Variants in CNBD1 observed in about 807,000 individuals in gnomAD.
CNBD1 encodes the protein cyclic nucleotide binding domain containing 1.
In CNBD1, 71 loss-of-function variants were observed where a neutral mutation model predicts 54.4. The observed-to-expected ratio is 1.30, with a 90% CI of 1.08 to 1.59. CNBD1 has a LOEUF of 1.59. Ranked by LOEUF, CNBD1 falls within the 40% of genes most tolerant of loss-of-function variation. The pLI is 0.00. For missense variants in CNBD1, 659 were observed against 518.0 expected, an observed-to-expected ratio of 1.27 and a Z score of -2.64; for synonymous variants, 182 against 170.7, an observed-to-expected ratio of 1.07 and a Z score of -0.51.
intron 4 of CNBD1, among the ~76,000 whole-genome samples, chr8:86,951,581 CAAAAAAAAAAAA>C (rs71275901): frequency 1.3e-3 from 49 of 37,358 alleles, no homozygotes; most frequent in African/African-American, 3.2e-3. Context: ...CTCCGTCTCA[CAAAAAAAAAAAA>C]AAAAAAAAAA....
intron 4 of CNBD1, among the ~76,000 whole-genome samples, chr8:87,124,287 A>G (rs988492315): frequency 1.3e-5 from 2 of 151,706 alleles, no homozygotes; most frequent in Non-Finnish European, 3.0e-5. Context: ...TCAAGTGCAC[A>G]CAGCACATTC....
intron 1 of CNBD1, among the ~76,000 whole-genome samples, chr8:86,881,025 C>T (rs1285741554): frequency 6.6e-6 from 1 of 152,020 alleles, no homozygotes; most frequent in Non-Finnish European, 1.5e-5. Context: ...AGGAACATAC[C>T]TCAAAATGAT....
chr8:86,957,118 G>A (rs1033578270), intron 4 of CNBD1, among the ~76,000 whole-genome samples: 7 of 152,282 alleles, frequency 4.6e-5, no homozygotes, highest in Admixed American at 2.0e-4. Flanking sequence ...CTGTTTATAT[G>A]ATGGATTACG....
chr8:87,291,488 G>T (rs901355510), intron 8 of CNBD1, among the ~76,000 whole-genome samples: 2 of 152,012 alleles, frequency 1.3e-5, no homozygotes, highest in African/African-American at 4.8e-5. Flanking sequence ...TAGTGCCTCT[G>T]TTACATATCC....
chr8:87,305,468 A>G (rs1809122220), intron 8 of CNBD1, among the ~76,000 whole-genome samples: 1 of 152,214 alleles, frequency 6.6e-6, no homozygotes. Context: ...AAGCAAAAAG[A>G]AGAAATCTGA....
At chr8:86,908,991 C>T (rs1809060685) in intron 3 of CNBD1, among the ~76,000 whole-genome samples, 1 of 152,076 alleles carries the variant, frequency 6.6e-6, no homozygotes, top group African/African-American at 2.4e-5. Flanking sequence ...CTCTTGACCT[C>T]GTGATCTGCC....
intron 10 of CNBD1, among the ~76,000 whole-genome samples, chr8:87,382,247 G>C (rs2130960845): frequency 6.6e-6 from 1 of 151,934 alleles, no homozygotes; most frequent in Middle Eastern, 3.4e-3. Context: ...ATACAAAATA[G>C]GTAAGATGAT....
In CNBD1 at chr8:87,001,455, T is replaced by C. The variant is rs190166474; in HGVS notation, c.431+61701T>C. Among the ~76,000 whole-genome samples the C allele has an allele frequency of 1.5e-3, 223 of 152,300 alleles. 3 individuals carry two copies. The highest frequency in any genetic ancestry group is 4.4e-3 in the Admixed American group (68 of 15,296). On this transcript the variant is annotated intron_variant, in intron 4 of 10. Coordinates refer to ENST00000518476, the MANE Select transcript of CNBD1 (RefSeq NM_173538.3). ...TTACTGTTTCTTTTCCTTTTGACCA[T>C]GTATGTGCATATCAGATAAAGTAGT...
intron 6 of CNBD1, among the ~76,000 whole-genome samples, chr8:87,283,426 T>C (rs1196386054): frequency 5.3e-5 from 8 of 152,038 alleles, no homozygotes; most frequent in South Asian, 2.1e-4. Context: ...TCAGCAAGGA[T>C]TGCTTTCTGT....
chr8:87,324,912 T>A (rs1586014146), intron 8 of CNBD1, among the ~76,000 whole-genome samples: 1 of 110,148 alleles, frequency 9.1e-6, no homozygotes, highest in East Asian at 2.0e-4. Context: ...CAATTTTGGA[T>A]CTTTCTTGCT....
chr8:87,422,733 C>T (rs1807963354), intron 2 of CNBD1, among the ~76,000 whole-genome samples: 2 of 152,238 alleles, frequency 1.3e-5, no homozygotes, highest in South Asian at 4.2e-4. Context: ...GTTCTTTTGG[C>T]TTAGGATTGA....
intron 10 of CNBD1, among the ~76,000 whole-genome samples, chr8:87,379,218 T>A (rs923879631): frequency 7.9e-5 from 12 of 152,086 alleles, no homozygotes; most frequent in Middle Eastern, 3.4e-3. Context: ...AGAGAGGGCA[T>A]CCCTGTCTTG....
At chr8:86,908,411 GT>G (rs1357326540) in intron 3 of CNBD1, among the ~76,000 whole-genome samples, 2 of 152,146 alleles carry the variant, frequency 1.3e-5, no homozygotes, top group Non-Finnish European at 2.9e-5. Context: ...TTGGTTTTGT[GT>G]TTTTGTTTCA....
At chr8:86,946,611 C>A (rs1807471666) in intron 4 of CNBD1, among the ~76,000 whole-genome samples, 1 of 151,972 alleles carries the variant, frequency 6.6e-6, no homozygotes, top group African/African-American at 2.4e-5. Context: ...CTTATTAATA[C>A]TAGGTTTATA....
chr8:87,234,495 C>A (rs117341136), intron 5 of CNBD1, among the ~76,000 whole-genome samples: 26 of 152,234 alleles, frequency 1.7e-4, no homozygotes, highest in African/African-American at 5.8e-4. Context: ...TACACAATTC[C>A]GTCAGAGTTC....
intron 2 of CNBD1, among the ~76,000 whole-genome samples, chr8:87,419,325 T>C (rs1807886764): frequency 6.6e-6 from 1 of 151,880 alleles, no homozygotes; most frequent in Admixed American, 6.6e-5. Context: ...AAGTGAGTGA[T>C]AATAGGTACA....
chr8:86,884,586 A>G (rs1405885408), intron 1 of CNBD1, among the ~76,000 whole-genome samples: 3 of 152,186 alleles, frequency 2.0e-5, no homozygotes, highest in African/African-American at 7.2e-5. Flanking sequence ...TCCTCCCTGT[A>G]ATTAAATCAC....
At chr8:87,336,302 G>A (rs888146156) in intron 8 of CNBD1, among the ~76,000 whole-genome samples, 1 of 152,104 alleles carries the variant, frequency 6.6e-6, no homozygotes, top group Non-Finnish European at 1.5e-5. Flanking sequence ...TTCCAACTTG[G>A]TTCCATTCTC....
At chr8:86,945,230 A>G (rs1248489084) in intron 4 of CNBD1, among the ~76,000 whole-genome samples, 1 of 152,186 alleles carries the variant, frequency 6.6e-6, no homozygotes, top group Non-Finnish European at 1.5e-5. Context: ...ATGAGCTGTG[A>G]AATGCAGATT....
Sources: allele counts gnomAD v4.1 joint callset (sites outside exome capture counted in the v4.1 genomes callset), GRCh38; gene constraint gnomAD v4.1.1; transcripts MANE v1.5; gene names NCBI Gene and HGNC (gene_info 2026-07-23, HGNC 2026-07-21).